ARHGAP32: variants seen among roughly 807,000 people sequenced by gnomAD.
ARHGAP32 encodes rho GTPase-activating protein 32.
In ARHGAP32, 51 loss-of-function variants were observed where a neutral mutation model predicts 186.5. The observed-to-expected ratio is 0.27, with a 90% confidence interval of 0.22 to 0.35. The LOEUF (loss-of-function observed/expected upper bound fraction) is 0.35. ARHGAP32 is among the 10% of genes least tolerant of loss of function. ARHGAP32 has a pLI of 1.00. For synonymous variants in ARHGAP32, 950 were observed against 964.3 expected (o/e 0.99, Z 0.27); for missense variants, 2,186 against 2,623.5 (o/e 0.83, Z 3.64).
intron 11 of ARHGAP32, among the ~76,000 whole-genome samples, chr11:129,036,373 T>C (rs1335405582): frequency 2.2e-5 from 2 of 90,542 alleles, no homozygotes; most frequent in African/African-American, 4.8e-5. Context: ...AGAGCGAAAC[T>C]CCGTCTCAAA....
intron 5 of ARHGAP32, among the ~76,000 whole-genome samples, chr11:129,104,038 T>C (rs1941979508): frequency 6.6e-6 from 1 of 152,092 alleles, no homozygotes; most frequent in South Asian, 2.1e-4. Context: ...AGAATATCTT[T>C]TAAGTTCTGA....
intron 13 of ARHGAP32, 76 bp downstream of exon 13, chr11:128,987,947 G>A: frequency 1.1e-6 from 1 of 945,026 alleles, no homozygotes; most frequent in South Asian, 1.4e-5. Flanking sequence ...GGTTATCAAA[G>A]TAAGTGAATC....
At chr11:129,041,158 C>T (rs1939576827) in intron 10 of ARHGAP32, 149 bp from the exon 11 acceptor site, 1 of 502,488 alleles carries the variant, frequency 2.0e-6, no homozygotes, top group Non-Finnish European at 3.5e-6. Context: ...ATGCCAATTA[C>T]ACAAACAAAT....
chr11:129,231,807 T>G (rs372987945), intron 1 of ARHGAP32, among the ~76,000 whole-genome samples: 352 of 151,858 alleles, frequency 2.3e-3, no homozygotes, highest in African/African-American at 8.3e-3. Context: ...GGCGAATCAC[T>G]TGAGCCCAGG....
intron 2 of ARHGAP32, among the ~76,000 whole-genome samples, chr11:129,138,923 T>C (rs1419907452): frequency 1.3e-5 from 2 of 152,192 alleles, no homozygotes; most frequent in African/African-American, 4.8e-5. Context: ...TTGCATAGTG[T>C]GTTAATCACA....
chr11:129,171,230 T>A (rs1166316584), intron 1 of ARHGAP32, among the ~76,000 whole-genome samples: 1 of 152,160 alleles, frequency 6.6e-6, no homozygotes, highest in Non-Finnish European at 1.5e-5. Flanking sequence ...GCATTTTTGT[T>A]ATGAAGACTT....
chr11:129,181,904 T>C (rs1565459538), intron 1 of ARHGAP32, among the ~76,000 whole-genome samples: 1 of 152,168 alleles, frequency 6.6e-6, no homozygotes, highest in Non-Finnish European at 1.5e-5. Flanking sequence ...CAATTTCCAA[T>C]AGAGTCTTCT....
chr11:128,996,890 C>T (rs930561009), intron 12 of ARHGAP32, among the ~76,000 whole-genome samples: 14 of 152,094 alleles, frequency 9.2e-5, no homozygotes, highest in Admixed American at 2.0e-4. Context: ...GATGATTCTC[C>T]CACCTTGGCC....
At chr11:129,043,379 T>C (rs1199640067) in intron 10 of ARHGAP32, among the ~76,000 whole-genome samples, 1 of 132,146 alleles carries the variant, frequency 7.6e-6, no homozygotes, top group African/African-American at 3.0e-5. Context: ...ATTTCTTTTT[T>C]TCTTTTTTTT....
At chr11:129,000,644 A>G (rs2134748896) in intron 11 of ARHGAP32, among the ~76,000 whole-genome samples, 1 of 152,244 alleles carries the variant, frequency 6.6e-6, no homozygotes, top group South Asian at 2.1e-4. Flanking sequence ...TATTTTAGTT[A>G]TTTTTTAATG....
intron 1 of ARHGAP32, among the ~76,000 whole-genome samples, chr11:129,259,758 G>A (rs1484908179): frequency 6.6e-6 from 1 of 152,160 alleles, no homozygotes; most frequent in Non-Finnish European, 1.5e-5. Flanking sequence ...TGTAAGTGGA[G>A]ACAGTATTTT....
chr11:129,271,046 C>T (rs1190439239), intron 1 of ARHGAP32, among the ~76,000 whole-genome samples: 2 of 152,070 alleles, frequency 1.3e-5, no homozygotes, highest in East Asian at 1.9e-4. Context: ...GCCTCATAAG[C>T]GACCAAAATG....
intron 10 of ARHGAP32, among the ~76,000 whole-genome samples, chr11:129,051,472 C>T (rs899937143): frequency 2.6e-5 from 4 of 152,116 alleles, no homozygotes; most frequent in Non-Finnish European, 5.9e-5. Context: ...TATCCTTTGC[C>T]CACTTTTTGA....
chr11:129,145,263 C>T (rs193259596), intron 2 of ARHGAP32, among the ~76,000 whole-genome samples: 2 of 152,046 alleles, frequency 1.3e-5, no homozygotes, highest in Admixed American at 1.3e-4. Context: ...TCTTTCTACA[C>T]TTGAATTCTG....
intron 5 of ARHGAP32, among the ~76,000 whole-genome samples, chr11:129,114,374 A>G (rs1015071559): frequency 6.6e-6 from 1 of 152,108 alleles, no homozygotes; most frequent in Non-Finnish European, 1.5e-5. Flanking sequence ...ACCACTGAAT[A>G]CCTACAAGCA....
Position 129,148,202 on chromosome 11 carries a change from T to C in ARHGAP32, c.225+16117A>G, listed in dbSNP as rs1043907524. 2.6e-5 allele frequency among the ~76,000 whole-genome samples: 4 copies of C among 152,204 alleles called. No homozygotes were observed. In the South Asian group the frequency reaches 8.3e-4, roughly 32 times the overall value. On this transcript the variant is annotated intron_variant, in intron 2 of 22. Transcript: ENST00000682385. ...TGCTCCAAGAACCACCAAAGAAATGTATCAGGAAAATCAAAAGAATTCAAA... is the reference window on the plus strand; with the variant it reads ...TGCTCCAAGAACCACCAAAGAAATGCATCAGGAAAATCAAAAGAATTCAAA...
intron 1 of ARHGAP32, among the ~76,000 whole-genome samples, chr11:129,211,363 A>G (rs1333547654): frequency 1.3e-5 from 2 of 152,194 alleles, no homozygotes; most frequent in East Asian, 1.9e-4. Context: ...TATAGCAAAA[A>G]CAATTGTATA....
Position 129,123,549 on chromosome 11 carries a change from A to G in ARHGAP32, c.360-19T>C. On this transcript the variant is annotated intron_variant, in intron 4 of 22. Coordinates refer to ENST00000682385, the MANE Select transcript of ARHGAP32 (RefSeq NM_001378024.1). This position sits in a 1 kb window ranked among gnomAD's most constrained non-coding sequence, Gnocchi z 4.6. ...GGGTAACCTGAAACACATGAAATAA[A>G]TAAGAAACGAGATAGTGAAACAGTA... 1 of 1,598,246 alleles carries G rather than the reference A, an allele frequency of 6.3e-7. No individual in the cohort carries two copies. Among genetic ancestry groups the G allele is most frequent in the Non-Finnish European group, 8.6e-7 (1 of 1,166,624 alleles).
chr11:129,107,907 A>G (rs754821066), intron 5 of ARHGAP32, among the ~76,000 whole-genome samples: 35 of 151,632 alleles, frequency 2.3e-4, no homozygotes, highest in Non-Finnish European at 4.0e-4. Context: ...GCTTTTGTAT[A>G]GAATTGAAGT....
Sources: allele counts gnomAD v4.1 joint callset (sites outside exome capture counted in the v4.1 genomes callset), GRCh38; gene constraint gnomAD v4.1.1; non-coding constraint Gnocchi (gnomAD v3.1); transcripts MANE v1.5; gene names NCBI Gene and HGNC (gene_info 2026-07-23, HGNC 2026-07-21).